The following SNX14 variants were observed in gnomAD, a reference collection of about 807,000 sequenced individuals.
The protein encoded by SNX14 is sorting nexin 14.
Under a neutral mutation model 133.8 loss-of-function variants are expected in SNX14, and 93 were observed. The observed-to-expected ratio is 0.70, with a 90% CI of 0.59 to 0.83. SNX14 has a LOEUF of 0.83. SNX14 is among the 40% of genes least tolerant of loss of function. SNX14 has a pLI of 0.00. For missense variants in SNX14, 945 were observed against 1,094.9 expected (o/e 0.86, Z 1.93); for synonymous variants, 368 against 365.6 (o/e 1.01, Z -0.07).
At chr6:85,585,315 C>T (rs1800430823) in intron 1 of SNX14, among the ~76,000 whole-genome samples, 1 of 151,972 alleles carries the variant, frequency 6.6e-6, no homozygotes, top group African/African-American at 2.4e-5. Context: ...AGCAAACCAC[C>T]ATGGCACATG....
At chr6:85,518,761 C>T (rs1775879887) in intron 21 of SNX14, among the ~76,000 whole-genome samples, 1 of 152,120 alleles carries the variant, frequency 6.6e-6, no homozygotes, top group South Asian at 2.1e-4. Context: ...GCAAACCACC[C>T]AACCTTCCCA....
intron 1 of SNX14, among the ~76,000 whole-genome samples, chr6:85,585,295 T>C (rs144550015): frequency 9.9e-4 from 150 of 151,842 alleles, no homozygotes; most frequent in African/African-American, 3.6e-3. Context: ...AGATGATGGA[T>C]TGAGGGTGCA....
intron 12 of SNX14, among the ~76,000 whole-genome samples, chr6:85,545,541 A>T (rs1785186689): frequency 6.6e-6 from 1 of 152,230 alleles, no homozygotes; most frequent in Non-Finnish European, 1.5e-5. Context: ...ACCAAAGATA[A>T]AAGAGGAGCA....
chr6:85,518,137 C>T (rs754226072), intron 21 of SNX14, 89 bp from the exon 22 acceptor site: 10 of 1,054,024 alleles, frequency 9.5e-6, no homozygotes, highest in African/African-American at 6.4e-5. Flanking sequence ...ATTTTAAATA[C>T]GAAATAGCCA....
chr6:85,548,240 G>T, intron 9 of SNX14, 61 bp downstream of exon 9: 1 of 1,211,216 alleles, frequency 8.3e-7, no homozygotes, highest in Non-Finnish European at 1.2e-6. Context: ...AAATGTTTAA[G>T]ATACTAAATG....
intron 1 of SNX14, among the ~76,000 whole-genome samples, chr6:85,579,001 G>A (rs1301743244): frequency 1.3e-5 from 2 of 152,102 alleles, no homozygotes; most frequent in Non-Finnish European, 2.9e-5. Context: ...AGCCGGGCAT[G>A]GTGGTGTGTG....
At chr6:85,583,861 T>C (rs1355790046) in intron 1 of SNX14, among the ~76,000 whole-genome samples, 1 of 152,150 alleles carries the variant, frequency 6.6e-6, no homozygotes, top group African/African-American at 2.4e-5. Flanking sequence ...CCCATCAAGC[T>C]ACCATTGACT....
At chr6:85,520,229 G>C (rs1428724889) in intron 21 of SNX14, among the ~76,000 whole-genome samples, 2 of 151,130 alleles carry the variant, frequency 1.3e-5, no homozygotes, top group South Asian at 2.1e-4. Context: ...TTTTAGTAGA[G>C]ACAAGGATTC....
chr6:85,533,574 G>C (rs762095694), intron 18 of SNX14, 25 bp downstream of exon 18: 3 of 1,600,134 alleles, frequency 1.9e-6, no homozygotes, highest in East Asian at 4.5e-5. Context: ...CATCTTTTAA[G>C]AAAGGTGCTC....
chr6:85,514,573 C>T lies in SNX14; in HGVS notation c.2325G>A (p.Lys775=). 6.2e-7 allele frequency: 1 copy of T among 1,613,188 alleles called. No individual in the cohort carries two copies. The highest frequency in any genetic ancestry group is 8.5e-7 in the Non-Finnish European group (1 of 1,179,610). ...NANRAENTER[K]QNQNYFMEVM... ...CCTCCATAAAATAATTCTGATTTTG[C>T]TTTCTCTCTGTATTTTCAGCACGGT... The change falls in exon 24 of 29, where the codon AAG becomes AAA. Residue 775 remains lysine (K), a synonymous_variant. Transcript: ENST00000314673.
chr6:85,512,176 C>G (rs1773088263), intron 26 of SNX14, among the ~76,000 whole-genome samples: 1 of 152,178 alleles, frequency 6.6e-6, no homozygotes, highest in African/African-American at 2.4e-5. Flanking sequence ...TCACTTTCTA[C>G]TGAGGGTAGG....
chr6:85,583,440 T>C (rs546698664), intron 1 of SNX14, among the ~76,000 whole-genome samples: 2 of 152,268 alleles, frequency 1.3e-5, no homozygotes, highest in African/African-American at 4.8e-5. Context: ...CGTATTCAAA[T>C]AGGAAGAGAG....
intron 28 of SNX14, 138 bp downstream of exon 28, chr6:85,507,095 G>C: frequency 1.4e-6 from 1 of 721,848 alleles, no homozygotes; most frequent in African/African-American, 1.8e-5. Flanking sequence ...AAATACAAAA[G>C]GCAATTTGCT....
intron 2 of SNX14, among the ~76,000 whole-genome samples, chr6:85,573,218 G>A (rs771430071): frequency 3.3e-5 from 5 of 152,096 alleles, no homozygotes; most frequent in South Asian, 2.1e-4. Flanking sequence ...AGTGGCTCAC[G>A]CCTGTAATCC....
intron 1 of SNX14, among the ~76,000 whole-genome samples, chr6:85,592,593 A>T (rs1441101358): frequency 3.9e-5 from 6 of 152,244 alleles, no homozygotes; most frequent in African/African-American, 1.4e-4. Context: ...TTTCGGGGGC[A>T]GAATCTTCTG....
intron 26 of SNX14, chr6:85,508,516 A>C: frequency 8.6e-6 from 3 of 348,486 alleles, no homozygotes; most frequent in Non-Finnish European, 1.2e-5. Context: ...GGCAGAAGAT[A>C]GCTTCTACTT....
At chr6:85,577,475 G>T (rs879925846) in intron 1 of SNX14, among the ~76,000 whole-genome samples, 2 of 151,896 alleles carry the variant, frequency 1.3e-5, no homozygotes, top group Non-Finnish European at 2.9e-5. Flanking sequence ...TTCTCTTTGG[G>T]CATGTTAAGT....
chr6:85,535,433 G>A (rs1428340034), intron 17 of SNX14, among the ~76,000 whole-genome samples: 2 of 151,754 alleles, frequency 1.3e-5, no homozygotes, highest in South Asian at 4.2e-4. Flanking sequence ...CCAACATGGT[G>A]AAACCCCATC....
At position 85,572,329 on chromosome 6, in the gene SNX14, C is replaced by T; in HGVS notation, c.307G>A (p.Val103Ile). The T allele has an allele frequency of 6.2e-7, 1 of 1,613,752 alleles. No homozygotes were observed. The highest frequency in any genetic ancestry group is 8.5e-7 in the Non-Finnish European group (1 of 1,179,838). Residue 103 changes from valine to isoleucine, a missense_variant, in exon 3 of 29, where the codon GTT (valine) becomes ATT (isoleucine). Val to Ile is a conservative substitution (Grantham distance 29). Around this residue, in one of 3 missense-constraint regions of SNX14, gnomAD observed 514 missense variants for 538.8 expected, o/e 0.95. Transcript: ENST00000314673. ...CGTTTACATTTCACTTTACCACAAA[C>T]AGCACAGCTATGACCTTGAGGAAAT... ...ELFPQGHSCA[V>I]CGKVKCKRHR...
Sources: gnomAD v4.1 joint callset for allele counts (sites outside exome capture counted in the v4.1 genomes callset) on GRCh38, gnomAD v4.1.1 for gene constraint, gnomAD v4.1.1 regional missense constraint, MANE v1.5 for transcripts, NCBI Gene and HGNC (gene_info 2026-07-23, HGNC 2026-07-21) for gene names.